SLC24A4: variants seen among roughly 807,000 people sequenced by gnomAD.
SLC24A4 encodes the protein solute carrier family 24 member 4.
A neutral mutation model predicts 79.0 loss-of-function variants in SLC24A4; 53 were observed. That is an observed-to-expected ratio of 0.67 (90% CI 0.54 to 0.84). The LOEUF (loss-of-function observed/expected upper bound fraction) is 0.84. SLC24A4 is among the 40% of genes least tolerant of loss of function. The probability of loss-of-function intolerance (pLI) is 0.00; values close to 1 mark genes in which losing one functional copy is unlikely to be tolerated. For missense variants in SLC24A4, 731 were observed against 822.0 expected (o/e 0.89, Z 1.35); for synonymous variants, 323 against 323.8 (o/e 1.00, Z 0.03).
Position 92,496,575 on chromosome 14 carries a change from G to C in SLC24A4, c.*2947G>C, listed in dbSNP as rs1280527905. On this transcript the variant is annotated 3_prime_UTR_variant, in exon 17 of 17. Transcript: ENST00000532405. ...CTGGTTTGGAATTTTGCCTCACCAGGTCAAGCGTGGTTAGGGTGGAAGGTG... is the reference window on the plus strand; with the variant it reads ...CTGGTTTGGAATTTTGCCTCACCAGCTCAAGCGTGGTTAGGGTGGAAGGTG... 1.3e-5 allele frequency: 2 copies of C among 152,176 alleles called. No homozygotes were observed. The highest frequency in any genetic ancestry group is 2.9e-5 in the Non-Finnish European group (2 of 68,042). The allele number at this position is 152,176 out of a possible 1,614,324, so 9.4% of individuals were successfully genotyped here.
At chr14:92,387,511 G>T (rs1889231690) in intron 2 of SLC24A4, among the ~76,000 whole-genome samples, 3 of 152,140 alleles carry the variant, frequency 2.0e-5, no homozygotes, top group Admixed American at 2.0e-4. Flanking sequence ...TAAAATTGCT[G>T]GCCAATGGTG....
chr14:92,396,591 C>A (rs769379898), intron 2 of SLC24A4, among the ~76,000 whole-genome samples: 2 of 152,198 alleles, frequency 1.3e-5, no homozygotes, highest in Admixed American at 1.3e-4. Flanking sequence ...TTCTGCATCA[C>A]CCACAACTTC....
intron 2 of SLC24A4, among the ~76,000 whole-genome samples, chr14:92,340,437 G>A (rs1353278137): frequency 2.0e-5 from 3 of 152,238 alleles, no homozygotes; most frequent in Non-Finnish European, 4.4e-5. Flanking sequence ...AGGGTGGGAC[G>A]TTGCTGGCAG....
chr14:92,345,025 G>C (rs1566701333), intron 2 of SLC24A4, among the ~76,000 whole-genome samples: 1 of 152,196 alleles, frequency 6.6e-6, no homozygotes, highest in African/African-American at 2.4e-5. Context: ...AATTGTTGAA[G>C]TGTGAAGGTA....
chr14:92,345,109 T>C (rs943547116), intron 2 of SLC24A4, among the ~76,000 whole-genome samples: 3 of 152,084 alleles, frequency 2.0e-5, no homozygotes, highest in Non-Finnish European at 4.4e-5. Context: ...TAATGCAAAA[T>C]TCAGGACAAC....
intron 10 of SLC24A4, 76 bp from the exon 11 acceptor site, chr14:92,453,824 G>A: frequency 1.4e-6 from 2 of 1,474,964 alleles, no homozygotes; most frequent in Non-Finnish European, 1.8e-6. Flanking sequence ...CACAAGGTGA[G>A]GGGAAGTCAG....
intron 15 of SLC24A4, 49 bp from the exon 16 acceptor site, chr14:92,492,126 T>C (rs768393583): frequency 6.4e-7 from 1 of 1,551,110 alleles, no homozygotes; most frequent in Non-Finnish European, 8.9e-7. Context: ...CTGGATGGAT[T>C]GGCTCTGAGC....
chr14:92,355,133 G>A (rs1887103927), intron 2 of SLC24A4, among the ~76,000 whole-genome samples: 1 of 152,124 alleles, frequency 6.6e-6, no homozygotes, highest in Admixed American at 6.5e-5. Flanking sequence ...TGGGGCCAGG[G>A]GCCCTAGAGT....
At chr14:92,390,129 CG>C (rs34129936) in intron 2 of SLC24A4, among the ~76,000 whole-genome samples, 45,347 of 151,754 alleles carry the variant, frequency 0.3, 7,847 homozygotes, top group East Asian at 0.64. Flanking sequence ...CTTCCCAGTC[CG>C]GGTCATCCCT....
At chr14:92,422,926 A>G (rs4904907) in intron 2 of SLC24A4, among the ~76,000 whole-genome samples, 63,242 of 151,892 alleles carry the variant, frequency 0.42, 13,403 homozygotes, top group Non-Finnish European at 0.44. Flanking sequence ...TGATCCTCCC[A>G]CCTCAGTGTC....
At chr14:92,389,992 C>G (rs74073014) in intron 2 of SLC24A4, among the ~76,000 whole-genome samples, 3,290 of 152,258 alleles carry the variant, frequency 0.022, 137 homozygotes, top group East Asian at 0.18. Context: ...CTGATGCCAG[C>G]CGGTCCCTCT....
chr14:92,383,797 T>C (rs1339332919), intron 2 of SLC24A4, among the ~76,000 whole-genome samples: 2 of 152,170 alleles, frequency 1.3e-5, no homozygotes, highest in East Asian at 1.9e-4. Flanking sequence ...AGCCTCCTCC[T>C]CTGAGCCCCT....
At chr14:92,463,316 C>T (rs1276852067) in intron 12 of SLC24A4, among the ~76,000 whole-genome samples, 1 of 152,168 alleles carries the variant, frequency 6.6e-6, no homozygotes, top group Non-Finnish European at 1.5e-5. Flanking sequence ...TCTCTTAACA[C>T]TCCGCCTTCC....
At chr14:92,449,038 C>T (rs758414365) in intron 9 of SLC24A4, 36 bp from the exon 10 acceptor site, 1 of 1,611,278 alleles carries the variant, frequency 6.2e-7, no homozygotes, top group East Asian at 2.2e-5. Context: ...GGACTCCTTT[C>T]CATTGCCCTG....
chr14:92,438,884 C>T (rs1343531364), intron 3 of SLC24A4, among the ~76,000 whole-genome samples: 2 of 152,134 alleles, frequency 1.3e-5, no homozygotes, highest in Admixed American at 1.3e-4. Context: ...GGCTTAAAGT[C>T]CCAACCCGCT....
intron 4 of SLC24A4, 63 bp from the exon 5 acceptor site, chr14:92,442,026 C>A: frequency 2.3e-6 from 3 of 1,308,116 alleles, no homozygotes; most frequent in Non-Finnish European, 3.3e-6. Flanking sequence ...GGCTGTAGAG[C>A]GTCCAGTGAT....
chr14:92,483,699 G>A, intron 13 of SLC24A4: 1 of 1,270,868 alleles, frequency 7.9e-7, no homozygotes, highest in Non-Finnish European at 1.0e-6. Flanking sequence ...CCACCTAATG[G>A]GGTCCCTTCT....
At chr14:92,346,078 A>G (rs539829971) in intron 2 of SLC24A4, among the ~76,000 whole-genome samples, 1 of 152,170 alleles carries the variant, frequency 6.6e-6, no homozygotes, top group South Asian at 2.1e-4. Context: ...ATTTCCAGCT[A>G]AGGGGGCAGG....
Position 92,486,795 on chromosome 14 carries a change from C to T in SLC24A4, c.1537+15C>T. On this transcript the variant is annotated intron_variant, in intron 14 of 16. Transcript: ENST00000532405. ...GGCGAGACAAGGTATGGATTATGCC[C>T]CAGCCCTCATAGTCATGCAGTGCAG... 6.3e-7 allele frequency: 1 copy of T among 1,592,348 alleles called. No homozygotes were observed. Among genetic ancestry groups the T allele is most frequent in the African/African-American group, 1.3e-5 (1 of 74,570 alleles).
Sources: allele counts gnomAD v4.1 joint callset (sites outside exome capture counted in the v4.1 genomes callset), GRCh38; gene constraint gnomAD v4.1.1; transcripts MANE v1.5; gene names NCBI Gene and HGNC (gene_info 2026-07-23, HGNC 2026-07-21).